Variants in PCDH9 observed in about 807,000 individuals in gnomAD.
PCDH9 encodes protocadherin-9.
PCDH9 carries 24 observed loss-of-function variants against 70.6 expected under a neutral mutation model. The observed-to-expected ratio is 0.34, with a 90% confidence interval of 0.25 to 0.48. PCDH9 has a LOEUF of 0.48. Among genes scored for constraint, PCDH9 ranks in the 20% least tolerant of loss-of-function variants. The pLI is 0.99. For missense variants in PCDH9, 1,281 were observed against 1,503.6 expected (o/e 0.85, Z 2.45); for synonymous variants, 562 against 558.5 (o/e 1.01, Z -0.09).
chr13:66,425,905 T>A (rs1332234569), intron 4 of PCDH9, among the ~76,000 whole-genome samples: 1 of 151,540 alleles, frequency 6.6e-6, no homozygotes, highest in East Asian at 1.9e-4. Flanking sequence ...ACTCATGAGG[T>A]CATTATGAAT....
intron 4 of PCDH9, among the ~76,000 whole-genome samples, chr13:66,479,599 T>C (rs1594043997): frequency 6.7e-6 from 1 of 150,336 alleles, no homozygotes; most frequent in Non-Finnish European, 1.5e-5. Context: ...AGCTAGAGGA[T>C]TGTAAATGCA....
At chr13:66,408,739 T>C (rs988160930) in intron 4 of PCDH9, among the ~76,000 whole-genome samples, 14 of 152,240 alleles carry the variant, frequency 9.2e-5, no homozygotes, top group African/African-American at 2.9e-4. Flanking sequence ...CTTTTTTTTT[T>C]CAAATAATAA....
At chr13:66,898,508 G>C (rs1032527384) in intron 3 of PCDH9, among the ~76,000 whole-genome samples, 14 of 151,890 alleles carry the variant, frequency 9.2e-5, no homozygotes, top group African/African-American at 3.4e-4. Flanking sequence ...TCTAAGGACT[G>C]AACATATTTA....
At chr13:66,481,135 T>C (rs9540767) in intron 4 of PCDH9, among the ~76,000 whole-genome samples, 47,348 of 151,454 alleles carry the variant, frequency 0.31, 7,505 homozygotes, top group South Asian at 0.35. Flanking sequence ...AGGGGAACAT[T>C]ACATACCGGG....
chr13:67,051,761 CT>C (rs1006542243), intron 2 of PCDH9, among the ~76,000 whole-genome samples: 2 of 152,000 alleles, frequency 1.3e-5, no homozygotes, highest in Non-Finnish European at 2.9e-5. Context: ...AGAAACCATC[CT>C]GACTTTCAGT....
intron 4 of PCDH9, among the ~76,000 whole-genome samples, chr13:66,510,433 C>A (rs1219599996): frequency 6.6e-6 from 1 of 151,918 alleles, no homozygotes; most frequent in Non-Finnish European, 1.5e-5. Flanking sequence ...CATATGTATA[C>A]ATGTGCCATG....
In PCDH9 at chr13:66,866,834, A is replaced by C. The variant is rs538737699; in HGVS notation, c.3138+36670T>G. Among the ~76,000 whole-genome samples, 4 of 152,300 alleles carry C rather than the reference A, an allele frequency of 2.6e-5. No individual in the cohort carries two copies. The South Asian group carries it at 8.3e-4, about 32-fold the overall frequency. Reference sequence around the variant, plus strand: ...TAATAAAATAAAACAAAACTTGCTCACATGTATGTGGATACCATCATTTCA... The same window carrying C: ...TAATAAAATAAAACAAAACTTGCTCCCATGTATGTGGATACCATCATTTCA... On this transcript the variant is annotated intron_variant, in intron 3 of 4. Coordinates refer to ENST00000377865, the MANE Select transcript of PCDH9 (RefSeq NM_203487.3).
chr13:66,435,384 T>A (rs758116094), intron 4 of PCDH9, among the ~76,000 whole-genome samples: 9 of 152,160 alleles, frequency 5.9e-5, no homozygotes, highest in Non-Finnish European at 1.3e-4. Context: ...AAATTAGTTA[T>A]TAAATGGAGA....
intron 3 of PCDH9, among the ~76,000 whole-genome samples, chr13:66,639,537 T>C (rs1593821550): frequency 6.6e-6 from 1 of 152,208 alleles, no homozygotes; most frequent in African/African-American, 2.4e-5. Flanking sequence ...GAAAAAACAA[T>C]TGGTATCTTT....
rs377084770 is a variant in PCDH9 at position 67,227,694 on chromosome 13, C to T, written c.747G>A (p.Arg249=). The change falls in exon 2 of 5, where the codon AGG becomes AGA. Residue 249 remains arginine (R), a synonymous_variant. Coordinates refer to ENST00000377865, the MANE Select transcript of PCDH9 (RefSeq NM_203487.3). This position sits in a 1 kb window ranked among gnomAD's most constrained non-coding sequence, Gnocchi z 4.6. ...CCACTTGACCCTCTTTAAACACTGG[C>T]CTGTTGTCATTTACATCACTTACTG... The part of the protein sequence containing the change: ...QVTVSDVNDN[R]PVFKEGQVEV... 1.2e-6 allele frequency: 2 copies of T among 1,614,032 alleles called. No homozygotes were observed. Among genetic ancestry groups the T allele is most frequent in the Non-Finnish European group, 1.7e-6 (2 of 1,179,920 alleles).
At chr13:66,494,168 T>C (rs1422950384) in intron 4 of PCDH9, among the ~76,000 whole-genome samples, 1 of 152,112 alleles carries the variant, frequency 6.6e-6, no homozygotes, top group Non-Finnish European at 1.5e-5. Context: ...GGCTAAAGAA[T>C]AAGGTCAACA....
intron 2 of PCDH9, among the ~76,000 whole-genome samples, chr13:66,990,708 C>G (rs2083985451): frequency 6.6e-6 from 1 of 151,308 alleles, no homozygotes; most frequent in African/African-American, 2.4e-5. Context: ...CAAAAATTCA[C>G]ATCTCTGAAG....
At chr13:67,073,152 C>T (rs1352038312) in intron 2 of PCDH9, among the ~76,000 whole-genome samples, 1 of 152,040 alleles carries the variant, frequency 6.6e-6, no homozygotes, top group Non-Finnish European at 1.5e-5. Context: ...TCCAAATAGT[C>T]TCAGGTGGAG....
intron 3 of PCDH9, among the ~76,000 whole-genome samples, chr13:66,667,044 A>G (rs941385410): frequency 6.6e-6 from 1 of 152,180 alleles, no homozygotes; most frequent in Non-Finnish European, 1.5e-5. Context: ...AGGGACATCA[A>G]ATTTTAGAAC....
intron 4 of PCDH9, among the ~76,000 whole-genome samples, chr13:66,326,701 C>A (rs1301789978): frequency 6.6e-5 from 10 of 152,104 alleles, no homozygotes; most frequent in Admixed American, 6.5e-4. Flanking sequence ...CAGGTGTGAG[C>A]CACCGCTCCT....
chr13:66,958,438 C>T (rs959454398), intron 2 of PCDH9, among the ~76,000 whole-genome samples: 5 of 152,166 alleles, frequency 3.3e-5, no homozygotes, highest in African/African-American at 1.2e-4. Context: ...TCTTGACATG[C>T]CTTAAATTTT....
At chr13:66,776,144 T>C (rs573537444) in intron 3 of PCDH9, among the ~76,000 whole-genome samples, 1 of 152,098 alleles carries the variant, frequency 6.6e-6, no homozygotes, top group African/African-American at 2.4e-5. Context: ...TAATAAGAGC[T>C]ATCTATGACA....
chr13:66,366,474 C>T (rs921109126), intron 4 of PCDH9, among the ~76,000 whole-genome samples: 1 of 152,010 alleles, frequency 6.6e-6, no homozygotes, highest in Non-Finnish European at 1.5e-5. Flanking sequence ...TTAAAAATGT[C>T]CACCTAAGTT....
intron 4 of PCDH9, among the ~76,000 whole-genome samples, chr13:66,382,549 T>G (rs1956866524): frequency 6.6e-6 from 1 of 152,010 alleles, no homozygotes; most frequent in Non-Finnish European, 1.5e-5. Context: ...TATAATCATG[T>G]TTGAATGAAA....
Sources: allele counts gnomAD v4.1 joint callset (sites outside exome capture counted in the v4.1 genomes callset), GRCh38; gene constraint gnomAD v4.1.1; non-coding constraint Gnocchi (gnomAD v3.1); transcripts MANE v1.5; gene names NCBI Gene and HGNC (gene_info 2026-07-23, HGNC 2026-07-21).